Variants in OGDH observed in about 807,000 individuals in gnomAD.
OGDH encodes oxoglutarate dehydrogenase, also known as 2-oxoglutarate dehydrogenase complex component E1.
A neutral mutation model predicts 116.6 loss-of-function variants in OGDH; 38 were observed. The observed-to-expected ratio is 0.33, with a 90% CI of 0.25 to 0.43. OGDH has a LOEUF of 0.43. Among genes scored for constraint, OGDH ranks in the 20% least tolerant of loss-of-function variants. OGDH has a pLI of 1.00. For missense variants in OGDH, 825 were observed against 1,357.2 expected (o/e 0.61, Z 6.16); for synonymous variants, 488 against 533.3 (o/e 0.92, Z 1.17).
At chr7:44,633,885 G>A (rs545248294) in intron 2 of OGDH, among the ~76,000 whole-genome samples, 43 of 152,274 alleles carry the variant, frequency 2.8e-4, no homozygotes, top group Admixed American at 7.8e-4. Flanking sequence ...GTAGTTTGAA[G>A]CGTTCTCATT....
At chr7:44,684,468 CATT>C (rs1788051877) in intron 10 of OGDH, among the ~76,000 whole-genome samples, 1 of 152,106 alleles carries the variant, frequency 6.6e-6, no homozygotes, top group Non-Finnish European at 1.5e-5. Context: ...AGGGTAAGAA[CATT>C]ATCCAGTGCA....
chr7:44,703,844 C>T (rs959304751), intron 20 of OGDH, among the ~76,000 whole-genome samples: 1 of 151,738 alleles, frequency 6.6e-6, no homozygotes, highest in Admixed American at 6.6e-5. Flanking sequence ...AAGATCACGC[C>T]GTTGCACTCC....
chr7:44,681,303 G>T (rs1398088036), intron 9 of OGDH, among the ~76,000 whole-genome samples: 5 of 152,240 alleles, frequency 3.3e-5, no homozygotes, highest in Non-Finnish European at 5.9e-5. Flanking sequence ...GGTCTGTCAA[G>T]GGTGCAAAGA....
At chr7:44,653,385 G>A (rs1204042249) in intron 4 of OGDH, among the ~76,000 whole-genome samples, 1 of 152,106 alleles carries the variant, frequency 6.6e-6, no homozygotes, top group African/African-American at 2.4e-5. Flanking sequence ...GAGCCACTGC[G>A]CCTGGCCCAA....
intron 1 of OGDH, among the ~76,000 whole-genome samples, chr7:44,610,055 A>G (rs536334243): frequency 4.6e-5 from 7 of 151,822 alleles, no homozygotes; most frequent in African/African-American, 1.7e-4. Context: ...GGATCAAGTG[A>G]TCCTCCTGTC....
At chr7:44,655,428 A>C (rs1214441750) in intron 4 of OGDH, among the ~76,000 whole-genome samples, 1 of 152,184 alleles carries the variant, frequency 6.6e-6, no homozygotes, top group East Asian at 1.9e-4. Context: ...TCACAGCCCT[A>C]GGAAGCAGGC....
At position 44,667,697 on chromosome 7, in the gene OGDH, A is replaced by G. The variant is rs117358944; in HGVS notation, c.633+846A>G. Among the ~76,000 whole-genome samples, 27 of 152,296 alleles carry G rather than the reference A, an allele frequency of 1.8e-4. 1 individual carries two copies. The highest frequency in any genetic ancestry group is 3.8e-4 in the African/African-American group (16 of 41,560). On this transcript the variant is annotated intron_variant, in intron 5 of 22. Transcript: ENST00000222673. ...CTCCCTCAGTATAAGGGTGACTTCT[A>G]TGCCCATTGCAGAGGGGAGAATGGA...
intron 10 of OGDH, among the ~76,000 whole-genome samples, chr7:44,684,796 A>T (rs1004905294): frequency 6.8e-6 from 1 of 147,398 alleles, no homozygotes; most frequent in African/African-American, 2.5e-5. Context: ...GTTTTTTTCT[A>T]TTTTTTTTTT....
chr7:44,698,002 A>G (rs896219635), intron 17 of OGDH, among the ~76,000 whole-genome samples, 190 bp from the exon 18 acceptor site: 3 of 152,202 alleles, frequency 2.0e-5, no homozygotes, highest in African/African-American at 7.2e-5. Context: ...CAGACTCCCT[A>G]GATGCACAGG....
intron 19 of OGDH, among the ~76,000 whole-genome samples, chr7:44,701,009 G>A (rs531107905): frequency 7.9e-5 from 12 of 152,352 alleles, no homozygotes; most frequent in African/African-American, 2.2e-4. Flanking sequence ...GGGCAACAGA[G>A]CGAGACTCCG....
At chr7:44,639,084 C>G (rs1039588118) in intron 2 of OGDH, among the ~76,000 whole-genome samples, 1 of 152,050 alleles carries the variant, frequency 6.6e-6, no homozygotes, top group African/African-American at 2.4e-5. Context: ...GCCAGGCCTG[C>G]GGGAAGGAAG....
intron 1 of OGDH, among the ~76,000 whole-genome samples, chr7:44,620,754 ATT>A (rs36093066): frequency 0.011 from 1,654 of 149,622 alleles, 37 homozygotes; most frequent in African/African-American, 0.037. Flanking sequence ...TGTTTTTGCG[ATT>A]TTTTTTTTTT....
chr7:44,608,230 G>A (rs1230612626), intron 1 of OGDH, among the ~76,000 whole-genome samples: 5 of 151,896 alleles, frequency 3.3e-5, no homozygotes, highest in Admixed American at 2.0e-4. Context: ...AGTGATACCC[G>A]GCGTCTACAA....
chr7:44,642,350 G>A (rs772880963), intron 2 of OGDH, among the ~76,000 whole-genome samples: 70 of 152,164 alleles, frequency 4.6e-4, no homozygotes, highest in African/African-American at 8.2e-4. Flanking sequence ...CTTGAGCCCC[G>A]GAGGTGGGGG....
At chr7:44,666,156 G>A (rs6952806) in intron 4 of OGDH, among the ~76,000 whole-genome samples, 26,846 of 152,058 alleles carry the variant, frequency 0.18, 5,593 homozygotes, top group African/African-American at 0.49. Flanking sequence ...TTGTTTGCAC[G>A]CTGCTGTGCT....
At chr7:44,656,033 G>A (rs929944471) in intron 4 of OGDH, among the ~76,000 whole-genome samples, 10 of 152,120 alleles carry the variant, frequency 6.6e-5, no homozygotes, top group Non-Finnish European at 1.3e-4. Flanking sequence ...CTCAAATGAC[G>A]CTGCCTGATG....
At chr7:44,655,495 C>T (rs948021032) in intron 4 of OGDH, among the ~76,000 whole-genome samples, 2 of 152,198 alleles carry the variant, frequency 1.3e-5, no homozygotes, top group African/African-American at 2.4e-5. Flanking sequence ...CCTTTCTCTG[C>T]ACTCCCAGTA....
intron 2 of OGDH, among the ~76,000 whole-genome samples, chr7:44,640,712 G>A (rs1037204776): frequency 2.6e-5 from 4 of 152,212 alleles, no homozygotes; most frequent in Non-Finnish European, 5.9e-5. Context: ...TTTGGGTTGT[G>A]CTGTTCTCCA....
At chr7:44,681,463 T>G (rs933564032) in intron 9 of OGDH, among the ~76,000 whole-genome samples, 1 of 152,174 alleles carries the variant, frequency 6.6e-6, no homozygotes, top group Non-Finnish European at 1.5e-5. Flanking sequence ...GAGAGTGTCC[T>G]AGCAATGCAT....
Sources: gnomAD v4.1 joint callset for allele counts (sites outside exome capture counted in the v4.1 genomes callset) on GRCh38, gnomAD v4.1.1 for gene constraint, MANE v1.5 for transcripts, NCBI Gene and HGNC (gene_info 2026-07-23, HGNC 2026-07-21) for gene names.